The following DLG2 variants were observed in gnomAD, a reference collection of about 807,000 sequenced individuals.
DLG2 encodes the protein disks large homolog 2.
DLG2 carries 45 observed loss-of-function variants against 132.5 expected under a neutral mutation model. That is an observed-to-expected ratio of 0.34 (90% confidence interval 0.27 to 0.44). The LOEUF is 0.44. Among genes scored for constraint, DLG2 ranks in the 20% least tolerant of loss-of-function variants. DLG2 has a pLI of 1.00. For missense variants in DLG2, 1,045 were observed against 1,196.9 expected (o/e 0.87, Z 1.87); for synonymous variants, 424 against 419.6 (o/e 1.01, Z -0.13).
intron 3 of DLG2, among the ~76,000 whole-genome samples, chr11:85,533,264 T>C (rs1235765707): frequency 2.0e-5 from 3 of 151,964 alleles, no homozygotes; most frequent in Non-Finnish European, 4.4e-5. Flanking sequence ...CCTCAATCGA[T>C]CCACCCACCT....
intron 9 of DLG2, among the ~76,000 whole-genome samples, chr11:84,157,134 C>T (rs1185949163): frequency 6.6e-6 from 1 of 151,922 alleles, no homozygotes; most frequent in Admixed American, 6.6e-5. Context: ...TTTATATAGT[C>T]AACTGTATTA....
At chr11:85,576,495 G>T (rs2078164899) in intron 3 of DLG2, among the ~76,000 whole-genome samples, 1 of 151,994 alleles carries the variant, frequency 6.6e-6, no homozygotes, top group Admixed American at 6.6e-5. Context: ...CATTTTAAAT[G>T]GATTTTTTGA....
At chr11:84,974,050 G>A (rs1351892600) in intron 6 of DLG2, among the ~76,000 whole-genome samples, 1 of 152,158 alleles carries the variant, frequency 6.6e-6, no homozygotes, top group African/African-American at 2.4e-5. Context: ...TTAAACTAGA[G>A]AAATTATACA....
chr11:84,260,103 A>T (rs1259981224), intron 7 of DLG2, among the ~76,000 whole-genome samples: 1 of 152,166 alleles, frequency 6.6e-6, no homozygotes, highest in African/African-American at 2.4e-5. Context: ...TATCCTATGA[A>T]TATCCTAAAG....
At chr11:84,794,124 G>A (rs781350441) in intron 6 of DLG2, among the ~76,000 whole-genome samples, 2 of 152,196 alleles carry the variant, frequency 1.3e-5, no homozygotes, top group African/African-American at 2.4e-5. Flanking sequence ...TAACCCATTC[G>A]TATGATAATT....
chr11:84,334,100 C>G (rs1053835458), intron 7 of DLG2, among the ~76,000 whole-genome samples: 1 of 152,126 alleles, frequency 6.6e-6, no homozygotes, highest in Non-Finnish European at 1.5e-5. Context: ...GCAACAAACT[C>G]TAAGACCTTC....
At chr11:84,520,049 A>G (rs1464938481) in intron 7 of DLG2, among the ~76,000 whole-genome samples, 5 of 152,180 alleles carry the variant, frequency 3.3e-5, no homozygotes, top group African/African-American at 1.2e-4. Context: ...TCTCTACAAT[A>G]TCTCATTGAA....
At chr11:84,721,111 CG>C (rs2061784426) in intron 6 of DLG2, among the ~76,000 whole-genome samples, 1 of 152,056 alleles carries the variant, frequency 6.6e-6, no homozygotes, top group South Asian at 2.1e-4. Flanking sequence ...TACAGCCACC[CG>C]AGGGTAGAAG....
intron 4 of DLG2, among the ~76,000 whole-genome samples, chr11:85,155,858 CA>C (rs199571938): frequency 0.021 from 2,253 of 105,248 alleles, 11 homozygotes; most frequent in Middle Eastern, 0.058. Flanking sequence ...GACTCTGTAT[CA>C]AAAAAAAAAA....
chr11:85,241,590 C>A (rs74618720), intron 4 of DLG2, among the ~76,000 whole-genome samples: 4 of 151,892 alleles, frequency 2.6e-5, no homozygotes, highest in Non-Finnish European at 5.9e-5. Flanking sequence ...GATGATTTGG[C>A]TGGATATAAA....
chr11:84,934,525 G>GTTTTTTTTTTTTTTTT (rs757894179), intron 6 of DLG2, among the ~76,000 whole-genome samples: 2 of 38,636 alleles, frequency 5.2e-5, no homozygotes, highest in African/African-American at 1.1e-4. Flanking sequence ...GTTTTGTTTT[G>GTTTTTTTTTTTTTTTT]TTTTTTTTTT....
At chr11:83,544,332 C>A (rs1230400649) in intron 19 of DLG2, among the ~76,000 whole-genome samples, 1 of 152,088 alleles carries the variant, frequency 6.6e-6, no homozygotes, top group Non-Finnish European at 1.5e-5. Flanking sequence ...CTTGGGGAAC[C>A]CCAACACACT....
chr11:85,481,882 TG>T (rs1298519601), intron 3 of DLG2, among the ~76,000 whole-genome samples: 1 of 151,636 alleles, frequency 6.6e-6, no homozygotes, highest in African/African-American at 2.4e-5. Flanking sequence ...CCCAGACTCC[TG>T]GCTGCTACCC....
At chr11:84,221,788 T>G (rs935274822) in intron 8 of DLG2, among the ~76,000 whole-genome samples, 1 of 152,116 alleles carries the variant, frequency 6.6e-6, no homozygotes, top group African/African-American at 2.4e-5. Context: ...ACTGCCACGT[T>G]TGTCTCATGT....
intron 7 of DLG2, among the ~76,000 whole-genome samples, chr11:84,454,472 C>T (rs576340376): frequency 7.3e-5 from 11 of 151,414 alleles, no homozygotes; most frequent in African/African-American, 2.7e-4. Flanking sequence ...AAAATATGAG[C>T]CAGCAAGTCC....
intron 6 of DLG2, among the ~76,000 whole-genome samples, chr11:84,782,895 C>A (rs1233014236): frequency 6.6e-6 from 1 of 152,158 alleles, no homozygotes; most frequent in African/African-American, 2.4e-5. Context: ...CCAGCATCAG[C>A]GTACCTTTCT....
chr11:85,299,613 T>C (rs2079457170), intron 3 of DLG2, among the ~76,000 whole-genome samples: 2 of 152,184 alleles, frequency 1.3e-5, no homozygotes, highest in Admixed American at 1.3e-4. Context: ...CTTTGCAAAG[T>C]TAAAGGCCAA....
chr11:85,520,727 A>G (rs1223102485), intron 3 of DLG2, among the ~76,000 whole-genome samples: 2 of 152,158 alleles, frequency 1.3e-5, no homozygotes, highest in East Asian at 3.8e-4. Flanking sequence ...CAGTGAACTC[A>G]TTTTTGAAAA....
At chr11:85,081,430 C>T (rs1374958305) in intron 6 of DLG2, among the ~76,000 whole-genome samples, 1 of 152,142 alleles carries the variant, frequency 6.6e-6, no homozygotes, top group Non-Finnish European at 1.5e-5. Flanking sequence ...CCTTCTTTTG[C>T]CCTTCTATCT....
Sources: allele counts gnomAD v4.1 joint callset (sites outside exome capture counted in the v4.1 genomes callset), GRCh38; gene constraint gnomAD v4.1.1; transcripts MANE v1.5; gene names NCBI Gene and HGNC (gene_info 2026-07-23, HGNC 2026-07-21).